The following C8A variants were observed in gnomAD, a reference collection of about 807,000 sequenced individuals.
The protein encoded by C8A is complement component C8 alpha chain.
C8A carries 67 observed loss-of-function variants against 65.3 expected under a neutral mutation model. The ratio of observed to expected loss-of-function variants is 1.03; its 90% confidence interval spans 0.84 to 1.26. C8A has a LOEUF of 1.26. Ranked by LOEUF, C8A falls within the 50% of genes most tolerant of loss-of-function variation. C8A has a pLI of 0.00. For missense variants in C8A, 781 were observed against 723.9 expected, an observed-to-expected ratio of 1.08 and a Z score of -0.90; for synonymous variants, 290 against 259.4, an observed-to-expected ratio of 1.12 and a Z score of -1.13.
chr1:56,909,561 G>A (rs1229598809), intron 9 of C8A, among the ~76,000 whole-genome samples: 2 of 152,140 alleles, frequency 1.3e-5, no homozygotes, highest in African/African-American at 4.8e-5. Context: ...ACTTTCATAG[G>A]CAAGAGGTGA....
chr1:56,896,501 ACT>A (rs750742506), intron 7 of C8A, among the ~76,000 whole-genome samples: 5 of 151,922 alleles, frequency 3.3e-5, no homozygotes, highest in Admixed American at 1.3e-4. Flanking sequence ...AGAAAGGAAG[ACT>A]CTTCTCTTAT....
At chr1:56,866,800 T>G (rs868029843) in intron 1 of C8A, among the ~76,000 whole-genome samples, 49 of 152,078 alleles carry the variant, frequency 3.2e-4, no homozygotes, top group African/African-American at 1.1e-3. Context: ...TTTTAATTGG[T>G]GAGGGGGAAG....
chr1:56,866,143 C>A (rs1644086095), intron 1 of C8A, among the ~76,000 whole-genome samples: 1 of 152,272 alleles, frequency 6.6e-6, no homozygotes, highest in South Asian at 2.1e-4. Context: ...AACTACATAA[C>A]CATGTGAGGC....
intron 4 of C8A, among the ~76,000 whole-genome samples, chr1:56,876,508 G>A (rs1304815257): frequency 6.6e-6 from 1 of 151,874 alleles, no homozygotes; most frequent in Non-Finnish European, 1.5e-5. Context: ...CAGCTTCCAT[G>A]AAGCCTTCCT....
chr1:56,891,734 A>G (rs986642968), intron 7 of C8A, among the ~76,000 whole-genome samples: 1 of 152,144 alleles, frequency 6.6e-6, no homozygotes, highest in Admixed American at 6.5e-5. Flanking sequence ...GCATGCACAC[A>G]TACACACATT....
intron 2 of C8A, among the ~76,000 whole-genome samples, chr1:56,868,694 C>T (rs538913627): frequency 4.6e-5 from 7 of 152,304 alleles, no homozygotes; most frequent in Admixed American, 2.0e-4. Context: ...TTCCTTCAGA[C>T]TCACATGCCT....
Position 56,859,065 on chromosome 1 carries a change from C to T in C8A, c.77+4087C>T, listed in dbSNP as rs185981607. ...TTTTATTACCCTATTTCTCTTTTGT[C>T]AGAAATCCTTCAGAATACATCTCAG... On this transcript the variant is annotated intron_variant, in intron 1 of 10. Transcript: ENST00000361249. 2.0e-4 allele frequency among the ~76,000 whole-genome samples: 31 copies of T among 152,244 alleles called. 1 individual carries two copies. The highest frequency in any genetic ancestry group is 7.2e-4 in the African/African-American group (30 of 41,556).
rs184720477 is a variant in C8A, at chr1:56,913,987, G to T, written c.1603+1362G>T. Reference sequence around the variant, plus strand: ...GAGCTCAGGATAAGATTCTTCTCTGGCGTACCAAGATTTTTGTTCTTGGTG... The same window carrying T: ...GAGCTCAGGATAAGATTCTTCTCTGTCGTACCAAGATTTTTGTTCTTGGTG... On this transcript the variant is annotated intron_variant, in intron 10 of 10. Transcript: ENST00000361249. Among the ~76,000 whole-genome samples the T allele has an allele frequency of 4.6e-5, 7 of 152,290 alleles. No homozygotes were observed. In the East Asian group the frequency reaches 7.7e-4, roughly 17 times the overall value.
At chr1:56,875,203 T>C (rs1644187084) in intron 3 of C8A, 110 bp downstream of exon 3, 1 of 1,325,374 alleles carries the variant, frequency 7.5e-7, no homozygotes. Flanking sequence ...CCTCTCGAGG[T>C]TGCCATTCTC....
intron 8 of C8A, among the ~76,000 whole-genome samples, chr1:56,907,668 G>A (rs978721170): frequency 2.0e-5 from 3 of 152,184 alleles, no homozygotes; most frequent in African/African-American, 7.2e-5. Flanking sequence ...AAGAATGAAT[G>A]AGTGAATGAA....
chr1:56,899,572 G>A (rs1999133), intron 7 of C8A, among the ~76,000 whole-genome samples: 4,775 of 152,170 alleles, frequency 0.031, 223 homozygotes, highest in African/African-American at 0.11. Context: ...TGAAGTCACC[G>A]GGTGCCCTTG....
At chr1:56,910,445 T>C (rs1644496733) in intron 9 of C8A, among the ~76,000 whole-genome samples, 1 of 152,152 alleles carries the variant, frequency 6.6e-6, no homozygotes, top group Non-Finnish European at 1.5e-5. Flanking sequence ...CAGTCCACCC[T>C]ATGGAGGGCT....
chr1:56,870,746 A>G (rs1644138770), intron 2 of C8A, among the ~76,000 whole-genome samples: 1 of 150,340 alleles, frequency 6.7e-6, no homozygotes, highest in Admixed American at 6.6e-5. Context: ...TTAAATCAGA[A>G]TAGAATTATT....
intron 9 of C8A, among the ~76,000 whole-genome samples, chr1:56,909,009 C>T (rs1051219036): frequency 3.3e-5 from 5 of 152,216 alleles, no homozygotes; most frequent in African/African-American, 1.2e-4. Flanking sequence ...GCCTGGGATG[C>T]TGCTAAACAT....
At chr1:56,869,544 G>C (rs1410689906) in intron 2 of C8A, among the ~76,000 whole-genome samples, 1 of 152,124 alleles carries the variant, frequency 6.6e-6, no homozygotes, top group East Asian at 1.9e-4. Context: ...CCAGTAGTGA[G>C]ATTGCTAGAT....
In C8A at chr1:56,886,267, A is replaced by G. The variant is rs975554120; in HGVS notation, c.1096+100A>G. The G allele has an allele frequency of 3.2e-5, 46 of 1,429,026 alleles. No individual in the cohort carries two copies. In the African/African-American group the frequency reaches 6.3e-4, roughly 20 times the overall value. 88.5% of individuals were successfully genotyped at this position (1,429,026 alleles called of 1,614,324 possible). A position where few individuals can be genotyped will look rare whatever the true frequency, so the allele number is the denominator to read the frequency against. On this transcript the variant is annotated intron_variant, in intron 7 of 10. Transcript: ENST00000361249. ...CTGACTATGAGCCATGGGTGATCTC[A>G]TTTAGTTTTTAGGACAACTCTATAG...
At chr1:56,900,158 G>T (rs765353089) in intron 7 of C8A, among the ~76,000 whole-genome samples, 14 of 152,136 alleles carry the variant, frequency 9.2e-5, no homozygotes, top group Admixed American at 3.3e-4. Context: ...ATGAGGAGTT[G>T]GAAGGCTCCT....
At chr1:56,917,283 G>T (rs1644560053) in intron 10 of C8A, among the ~76,000 whole-genome samples, 1 of 152,222 alleles carries the variant, frequency 6.6e-6, no homozygotes, top group African/African-American at 2.4e-5. Context: ...CTCCTCAGTA[G>T]CAGCTCTGCA....
intron 7 of C8A, among the ~76,000 whole-genome samples, chr1:56,898,686 C>G (rs1212901547): frequency 6.6e-6 from 1 of 152,124 alleles, no homozygotes; most frequent in Non-Finnish European, 1.5e-5. Context: ...ACTATTGCAG[C>G]TGCTTGTGTC....
Sources: gnomAD v4.1 joint callset for allele counts (sites outside exome capture counted in the v4.1 genomes callset) on GRCh38, gnomAD v4.1.1 for gene constraint, MANE v1.5 for transcripts, NCBI Gene and HGNC (gene_info 2026-07-23, HGNC 2026-07-21) for gene names.